Variants in TRANK1 observed in about 807,000 individuals in gnomAD.
TRANK1 encodes the protein TPR and ankyrin repeat-containing protein 1.
In TRANK1, 198 loss-of-function variants were observed where a neutral mutation model predicts 266.0. The observed-to-expected ratio is 0.74, with a 90% CI of 0.66 to 0.84. TRANK1 has a LOEUF of 0.84. TRANK1 is among the 40% of genes least tolerant of loss of function. TRANK1 has a pLI of 0.00. For synonymous variants in TRANK1, 1,396 were observed against 1,384.1 expected, an observed-to-expected ratio of 1.01 and a Z score of -0.19; for missense variants, 3,326 against 3,634.6, an observed-to-expected ratio of 0.92 and a Z score of 2.18.
Position 36,914,141 on chromosome 3 carries a change from GT to G in TRANK1, c.24-5688del, listed in dbSNP as rs200877166. Reference sequence around the variant, plus strand: ...CTGTTTTTGGGTTTGTTTTGTTTTTGTTTTTTTTTTGAGACTGAGTCTCACT... The same window carrying G: ...CTGTTTTTGGGTTTGTTTTGTTTTTGTTTTTTTTTGAGACTGAGTCTCACT... On this transcript the variant is annotated intron_variant, in intron 1 of 23. Transcript: ENST00000645898. Among the ~76,000 whole-genome samples, 307 of 147,916 alleles carry G rather than the reference GT, an allele frequency of 2.1e-3. 4 individuals carry two copies. In the East Asian group the frequency reaches 0.047, roughly 23 times the overall value.
At chr3:36,852,102 C>A (rs933677919) in intron 14 of TRANK1, 44 bp downstream of exon 14, 2 of 1,528,286 alleles carry the variant, frequency 1.3e-6, no homozygotes, top group Non-Finnish European at 1.7e-6. Flanking sequence ...TTTTCAATTG[C>A]AAACTGTCTT....
chr3:36,876,852 C>A (rs1287782185), intron 8 of TRANK1, among the ~76,000 whole-genome samples: 1 of 152,174 alleles, frequency 6.6e-6, no homozygotes, highest in Admixed American at 6.5e-5. Context: ...CTAACCAAGA[C>A]AGATGTAATG....
chr3:36,927,500 A>C (rs1023284211), intron 1 of TRANK1, among the ~76,000 whole-genome samples: 2 of 152,178 alleles, frequency 1.3e-5, no homozygotes, highest in Admixed American at 6.5e-5. Flanking sequence ...TTGGTGTTTT[A>C]TCAGAACTCC....
intron 1 of TRANK1, among the ~76,000 whole-genome samples, chr3:36,932,329 G>A (rs2080371483): frequency 6.6e-6 from 1 of 152,172 alleles, no homozygotes; most frequent in South Asian, 2.1e-4. Flanking sequence ...CCAGCACTTT[G>A]GGAGGTGGAG....
At chr3:36,890,448 AG>A (rs1395574797) in intron 7 of TRANK1, among the ~76,000 whole-genome samples, 1 of 152,100 alleles carries the variant, frequency 6.6e-6, no homozygotes, top group East Asian at 1.9e-4. Flanking sequence ...GTCAATCAAG[AG>A]CTACAGAATG....
rs1366950313 is a variant in TRANK1, at chr3:36,833,196, T to C, written c.6387A>G (p.Ile2129Met). The change falls in exon 22 of 24, where the codon ATA becomes ATG. Residue 2129 changes from isoleucine to methionine, a missense_variant. Coordinates refer to ENST00000645898, the MANE Select transcript of TRANK1 (RefSeq NM_001329998.2). Reference protein sequence around the residue: ...ISQVDAKYCQIAQNDPGPILR... With the variant: ...ISQVDAKYCQMAQNDPGPILR... ...ATATGGGCCCAGGGTCATTCTGAGC[T>C]ATCTGGCAATACTTGGCATCCACCT... 1.9e-6 allele frequency: 3 copies of C among 1,613,908 alleles called. No individual in the cohort carries two copies. The highest frequency in any genetic ancestry group is 2.5e-6 in the Non-Finnish European group (3 of 1,179,894).
intron 1 of TRANK1, among the ~76,000 whole-genome samples, chr3:36,920,068 C>T (rs531365068): frequency 3.0e-4 from 46 of 152,292 alleles, no homozygotes; most frequent in South Asian, 1.2e-3. Context: ...CTATGCGGTA[C>T]ACAAACTATA....
chr3:36,866,123 C>T (rs1490931151), intron 9 of TRANK1, among the ~76,000 whole-genome samples: 2 of 134,630 alleles, frequency 1.5e-5, no homozygotes, highest in South Asian at 2.4e-4. Flanking sequence ...AAAGAGTCAC[C>T]GATGAAGTGT....
At chr3:36,903,597 G>T (rs2079916572) in intron 2 of TRANK1, among the ~76,000 whole-genome samples, 1 of 152,242 alleles carries the variant, frequency 6.6e-6, no homozygotes, top group Non-Finnish European at 1.5e-5. Context: ...ATCGGCTTCA[G>T]GTAAGAGGCC....
At chr3:36,872,062 G>T (rs994531270) in intron 9 of TRANK1, among the ~76,000 whole-genome samples, 2 of 152,198 alleles carry the variant, frequency 1.3e-5, no homozygotes, top group African/African-American at 4.8e-5. Context: ...ACCATCCAAA[G>T]ATCAGAAGAT....
chr3:36,844,517 A>G lies in TRANK1; in HGVS notation c.5191+1731T>C, dbSNP rs185117961. Among the ~76,000 whole-genome samples, 332 of 152,248 alleles carry G rather than the reference A, an allele frequency of 2.2e-3. 2 individuals are homozygous for G. Among genetic ancestry groups the G allele is most frequent in the African/African-American group, 7.3e-3 (304 of 41,556 alleles). On this transcript the variant is annotated intron_variant, in intron 17 of 23. Coordinates refer to ENST00000645898, the MANE Select transcript of TRANK1 (RefSeq NM_001329998.2). The stretch of plus-strand genomic sequence containing the variant: ...GCTGGGATTACAGGCATGAGCCACC[A>G]CGCCCAGCCATATGATCTCTTATAG...
intron 18 of TRANK1, among the ~76,000 whole-genome samples, 175 bp from the exon 19 acceptor site, chr3:36,838,891 T>TA (rs2078806195): frequency 6.6e-6 from 1 of 152,218 alleles, no homozygotes; most frequent in Non-Finnish European, 1.5e-5. Context: ...TCTTGGAGGA[T>TA]AAAACCCAAC....
Position 36,938,254 on chromosome 3 carries a change from T to C in TRANK1, c.23+6533A>G, listed in dbSNP as rs550594166. Among the ~76,000 whole-genome samples, 4 of 152,174 alleles carry C rather than the reference T, an allele frequency of 2.6e-5. 1 individual carries two copies. Among genetic ancestry groups the C allele is most frequent in the Non-Finnish European group, 4.4e-5 (3 of 68,020 alleles). ...GTTTTTTTGAGAGGGAGTCTCTCTC[T>C]GTCACCCAGGCTGGAGTGCAGTGGC... On this transcript the variant is annotated intron_variant, in intron 1 of 23. Transcript: ENST00000645898.
intron 9 of TRANK1, among the ~76,000 whole-genome samples, chr3:36,871,089 T>C (rs1451793933): frequency 2.7e-5 from 4 of 150,694 alleles, no homozygotes; most frequent in Admixed American, 2.0e-4. Context: ...TTAAAATTAA[T>C]AAAATATAAA....
At chr3:36,851,098 G>A (rs2078979332) in intron 15 of TRANK1, 1 of 985,380 alleles carries the variant, frequency 1.0e-6, no homozygotes, top group South Asian at 4.7e-5. Flanking sequence ...AACCCACAAG[G>A]ACTCAGGAGC....
At chr3:36,896,154 A>T (rs2079786588) in intron 4 of TRANK1, among the ~76,000 whole-genome samples, 1 of 152,242 alleles carries the variant, frequency 6.6e-6, no homozygotes, top group South Asian at 2.1e-4. Context: ...TGTTACCCAA[A>T]ACATTAGAAA....
intron 20 of TRANK1, among the ~76,000 whole-genome samples, chr3:36,837,031 C>T (rs1559417104): frequency 6.6e-6 from 1 of 152,216 alleles, no homozygotes; most frequent in Non-Finnish European, 1.5e-5. Context: ...CTTTCTCTTA[C>T]TCATTTACCA....
At chr3:36,885,657 C>T (rs890213375) in intron 8 of TRANK1, among the ~76,000 whole-genome samples, 19 of 152,308 alleles carry the variant, frequency 1.2e-4, no homozygotes, top group Admixed American at 1.2e-3. Flanking sequence ...ATCTCAGCCT[C>T]CTGAGTAGCT....
chr3:36,936,049 A>T (rs2080420779), intron 1 of TRANK1, among the ~76,000 whole-genome samples: 1 of 152,236 alleles, frequency 6.6e-6, no homozygotes, highest in Admixed American at 6.5e-5. Flanking sequence ...TTGAGAATCT[A>T]ATGGTCAGCA....
Sources: allele counts gnomAD v4.1 joint callset (sites outside exome capture counted in the v4.1 genomes callset), GRCh38; gene constraint gnomAD v4.1.1; transcripts MANE v1.5; gene names NCBI Gene and HGNC (gene_info 2026-07-23, HGNC 2026-07-21).